Variants in FCHSD2 observed in about 807,000 individuals in gnomAD.
FCHSD2 encodes F-BAR and double SH3 domains protein 2.
Under a neutral mutation model 108.1 loss-of-function variants are expected in FCHSD2, and 38 were observed. The observed-to-expected ratio is 0.35, with a 90% CI of 0.27 to 0.46. The LOEUF (loss-of-function observed/expected upper bound fraction) is 0.46, where lower values mean the gene tolerates loss of function less well. FCHSD2 is among the 20% of genes least tolerant of loss of function. The probability of loss-of-function intolerance (pLI) is 1.00; values close to 1 mark genes in which losing one functional copy is unlikely to be tolerated. For missense variants in FCHSD2, 751 were observed against 897.8 expected, an observed-to-expected ratio of 0.84 and a Z score of 2.09; for synonymous variants, 279 against 314.7, an observed-to-expected ratio of 0.89 and a Z score of 1.20.
intron 3 of FCHSD2, among the ~76,000 whole-genome samples, chr11:73,025,948 C>T (rs773704596): frequency 3.3e-5 from 5 of 151,996 alleles, no homozygotes; most frequent in Non-Finnish European, 7.4e-5. Flanking sequence ...CTAAAAAACA[C>T]AGATATGCTC....
At chr11:72,964,175 G>T (rs918845402) in intron 8 of FCHSD2, among the ~76,000 whole-genome samples, 5 of 152,098 alleles carry the variant, frequency 3.3e-5, no homozygotes, top group Non-Finnish European at 5.9e-5. Context: ...GAAATCAAGA[G>T]AATTACTTTT....
intron 2 of FCHSD2, among the ~76,000 whole-genome samples, chr11:73,111,138 G>C (rs1860474534): frequency 6.6e-6 from 1 of 152,138 alleles, no homozygotes; most frequent in Admixed American, 6.5e-5. Context: ...GGAAAGGAAT[G>C]TGTATTCTGG....
chr11:73,072,868 C>G (rs2135501923), intron 3 of FCHSD2, among the ~76,000 whole-genome samples: 1 of 152,296 alleles, frequency 6.6e-6, no homozygotes, highest in South Asian at 2.1e-4. Context: ...ATGCCCAAGT[C>G]TTCATAATTT....
chr11:72,858,512 C>T (rs1861484072), intron 13 of FCHSD2, among the ~76,000 whole-genome samples: 1 of 152,158 alleles, frequency 6.6e-6, no homozygotes, highest in Admixed American at 6.5e-5. Flanking sequence ...CAAACTAACA[C>T]AGGAACAGAA....
chr11:72,989,652 G>A (rs529674731), intron 5 of FCHSD2, among the ~76,000 whole-genome samples: 7 of 152,116 alleles, frequency 4.6e-5, no homozygotes, highest in Non-Finnish European at 1.0e-4. Flanking sequence ...GCCCAACTCC[G>A]TGGATACACA....
intron 3 of FCHSD2, among the ~76,000 whole-genome samples, chr11:73,067,506 T>C (rs1313254912): frequency 6.6e-6 from 1 of 151,836 alleles, no homozygotes; most frequent in Non-Finnish European, 1.5e-5. Context: ...AGAAAATAGA[T>C]ATGCTCTTAA....
At chr11:72,927,995 A>C (rs183573794) in intron 8 of FCHSD2, among the ~76,000 whole-genome samples, 23 of 152,340 alleles carry the variant, frequency 1.5e-4, no homozygotes, top group Admixed American at 9.8e-4. Flanking sequence ...ATAATTAGGG[A>C]AAGTGGGAGT....
Position 73,001,047 on chromosome 11 carries a change from G to C in FCHSD2, c.330C>G (p.Asn110Lys). Residue 110 changes from asparagine (N) to lysine (K), a missense_variant, in exon 5 of 20, where the codon AAC becomes AAG. Physicochemically the swap from Asn to Lys is moderately conservative, Grantham distance 94. Transcript: ENST00000409418. ...SRMNICENYK[N>K]FISEPARTVR... ...CTGTCCTTGCAGGCTCAGAAATGAA[G>C]TTTTTATAGTTTTCACATATATTCA... 6.2e-7 allele frequency: 1 copy of C among 1,612,776 alleles called. No individual in the cohort carries two copies. The highest frequency in any genetic ancestry group is 8.5e-7 in the Non-Finnish European group (1 of 1,179,402).
At chr11:73,125,243 C>G (rs1177657619) in intron 2 of FCHSD2, among the ~76,000 whole-genome samples, 1 of 152,098 alleles carries the variant, frequency 6.6e-6, no homozygotes, top group East Asian at 1.9e-4. Flanking sequence ...AGACTTTTTT[C>G]CTTCTCTTAA....
At chr11:72,998,292 C>T (rs989914282) in intron 5 of FCHSD2, among the ~76,000 whole-genome samples, 2 of 152,174 alleles carry the variant, frequency 1.3e-5, no homozygotes, top group African/African-American at 2.4e-5. Flanking sequence ...GTAATCCCCG[C>T]ACTTTTGGAG....
intron 13 of FCHSD2, among the ~76,000 whole-genome samples, chr11:72,857,650 A>G (rs1861461222): frequency 6.7e-6 from 1 of 149,350 alleles, no homozygotes; most frequent in African/African-American, 2.5e-5. Context: ...GGGTTTCACT[A>G]TGTTGGCCAG....
rs72477723 is a variant in FCHSD2, at chr11:73,043,975, C to T, written c.166-28090G>A. ...GCCATTCACCAATTTTGGCAACAAA[C>T]TATTAGGTGAGTGAGAAATAAATTT... is the stretch of plus-strand genomic sequence containing the variant. On this transcript the variant is annotated intron_variant, in intron 3 of 19. Coordinates refer to ENST00000409418, the MANE Select transcript of FCHSD2 (RefSeq NM_014824.3). Among the ~76,000 whole-genome samples, 1,489 of 152,270 alleles carry T rather than the reference C, an allele frequency of 9.8e-3. 97 individuals carry two copies. The highest frequency in any genetic ancestry group is 0.086 in the Admixed American group (1,311 of 15,286).
intron 10 of FCHSD2, among the ~76,000 whole-genome samples, chr11:72,890,662 C>T (rs1204375582): frequency 6.6e-6 from 1 of 151,710 alleles, no homozygotes; most frequent in Non-Finnish European, 1.5e-5. Flanking sequence ...ATGGAAAGTG[C>T]TTCATATAAC....
At chr11:73,074,391 C>G (rs1201381733) in intron 3 of FCHSD2, among the ~76,000 whole-genome samples, 1 of 152,122 alleles carries the variant, frequency 6.6e-6, no homozygotes, top group African/African-American at 2.4e-5. Flanking sequence ...ATAAAATATG[C>G]TTCAACTGAA....
chr11:73,085,308 T>C (rs1859789573), intron 2 of FCHSD2, among the ~76,000 whole-genome samples: 1 of 152,150 alleles, frequency 6.6e-6, no homozygotes, highest in Non-Finnish European at 1.5e-5. Flanking sequence ...GGCAGCTTAG[T>C]AAACACCAGG....
intron 4 of FCHSD2, among the ~76,000 whole-genome samples, chr11:73,009,662 T>C (rs1368979673): frequency 6.6e-6 from 1 of 152,160 alleles, no homozygotes; most frequent in Non-Finnish European, 1.5e-5. Flanking sequence ...ATAATTTTGC[T>C]GAATACAGTA....
At chr11:73,138,524 A>G (rs1313964674) in intron 2 of FCHSD2, among the ~76,000 whole-genome samples, 1 of 151,710 alleles carries the variant, frequency 6.6e-6, no homozygotes, top group Non-Finnish European at 1.5e-5. Flanking sequence ...CTTCATCTAG[A>G]TATTTCTTAG....
At chr11:73,089,641 T>C (rs1417953813) in intron 2 of FCHSD2, among the ~76,000 whole-genome samples, 1 of 152,202 alleles carries the variant, frequency 6.6e-6, no homozygotes, top group Non-Finnish European at 1.5e-5. Context: ...ACAATATGGA[T>C]GAACCTCAAT....
Position 73,000,984 on chromosome 11 carries a change from C to T in FCHSD2, c.387+6G>A. On this transcript the variant is annotated splice_donor_region_variant and intron_variant, in intron 5 of 19. Transcript: ENST00000409418. ...ATGCATATAAGAACAGAAATAAAAA[C>T]AATACCCTTTTTAGTTGCTGTTCTT... 1 of 1,598,138 alleles carries T rather than the reference C, an allele frequency of 6.3e-7. No individual in the cohort carries two copies. Among genetic ancestry groups the T allele is most frequent in the Non-Finnish European group, 8.5e-7 (1 of 1,171,416 alleles).
Sources: allele counts gnomAD v4.1 joint callset (sites outside exome capture counted in the v4.1 genomes callset), GRCh38; gene constraint gnomAD v4.1.1; transcripts MANE v1.5; gene names NCBI Gene and HGNC (gene_info 2026-07-23, HGNC 2026-07-21).